The following KIF9 variants were observed in gnomAD, a reference collection of about 807,000 sequenced individuals.
KIF9 encodes the protein kinesin family member 9.
In KIF9, 68 loss-of-function variants were observed where a neutral mutation model predicts 94.8. The ratio of observed to expected loss-of-function variants is 0.72; its 90% confidence interval spans 0.59 to 0.88. KIF9 has a LOEUF of 0.88. Among genes scored for constraint, KIF9 ranks in the 40% least tolerant of loss-of-function variants. The pLI is 0.00. For synonymous variants in KIF9, 343 were observed against 362.1 expected (o/e 0.95, Z 0.60); for missense variants, 882 against 982.5 (o/e 0.90, Z 1.37).
chr3:47,273,568 G>A lies in KIF9; in HGVS notation c.350C>T (p.Pro117Leu). Residue 117 changes from proline (P) to leucine (L), a missense_variant, in exon 4 of 21, where the codon CCT becomes CTT. Pro to Leu is a moderately conservative substitution (Grantham distance 98, BLOSUM62 -3). Transcript: ENST00000684063. The stretch of plus-strand genomic sequence containing the variant: ...ACTCTCTACCTGCTGCAGGGCACGA[G>A]GGAGGATCCCCCGGTGCTTGTAATT... ...TENYKHRGIL[P>L]RALQQVFRMI... 1 of 1,609,208 alleles carries A rather than the reference G, an allele frequency of 6.2e-7. No individual in the cohort carries two copies. The highest frequency in any genetic ancestry group is 8.5e-7 in the Non-Finnish European group (1 of 1,177,336).
intron 10 of KIF9, among the ~76,000 whole-genome samples, chr3:47,252,588 C>T (rs775905275): frequency 6.6e-6 from 1 of 151,394 alleles, no homozygotes; most frequent in Non-Finnish European, 1.5e-5. Context: ...CAAAGCAAGA[C>T]CCTGTCTAAA....
rs1699699677 is a variant in KIF9, at chr3:47,243,232, T to C, written c.1528A>G (p.Lys510Glu). The C allele has an allele frequency of 6.2e-7, 1 of 1,609,782 alleles. No individual in the cohort carries two copies. The highest frequency in any genetic ancestry group is 2.2e-5 in the East Asian group (1 of 44,772). Residue 510 changes from lysine to glutamate, a missense_variant, in exon 16 of 21, where the codon AAG becomes GAG. Lys to Glu is a moderately conservative substitution (Grantham distance 56). Coordinates refer to ENST00000684063, the MANE Select transcript of KIF9 (RefSeq NM_182902.4). The stretch of plus-strand genomic sequence containing the variant: ...TTCACAGGGCTGCTGGCACCTTCCT[T>C]TCTTGCCAAGGAGCTGGAAGAAGGC... ...FKEPLSSLARKEGASSPVNGK... is the reference protein window; with the variant it reads ...FKEPLSSLAREEGASSPVNGK...
chr3:47,242,207 G>A lies in KIF9; in HGVS notation c.1709+844C>T, dbSNP rs376186408. Among the ~76,000 whole-genome samples the A allele has an allele frequency of 2.6e-5, 4 of 152,098 alleles. No individual in the cohort carries two copies. In the East Asian group the frequency reaches 5.8e-4, roughly 22 times the overall value. On this transcript the variant is annotated intron_variant, in intron 16 of 20. Transcript: ENST00000684063. ...TTTGATATATTTTTGAATGGCTAAG[G>A]CCATGCAGTATGTTTAATTTTACAT...
chr3:47,269,818 CAG>C, intron 5 of KIF9, among the ~76,000 whole-genome samples: 1 of 146,342 alleles, frequency 6.8e-6, no homozygotes, highest in East Asian at 2.0e-4. Context: ...CCTCTGTCGC[CAG>C]GCTGGAGTGC....
Position 47,228,642 on chromosome 3 carries a change from C to T in KIF9, c.*10G>A, listed in dbSNP as rs373169900. The T allele has an allele frequency of 1.2e-5, 20 of 1,611,720 alleles. No homozygotes were observed. Among genetic ancestry groups the T allele is most frequent in the Admixed American group, 3.3e-5 (2 of 59,980 alleles). Reference sequence around the variant, plus strand: ...CTGGTCTTGTCCTTTAAGGTACTGGCGATGAGGTTCTATTTTCTATGTGCC... The same window carrying T: ...CTGGTCTTGTCCTTTAAGGTACTGGTGATGAGGTTCTATTTTCTATGTGCC... On this transcript the variant is annotated 3_prime_UTR_variant, in exon 21 of 21. Transcript: ENST00000684063.
intron 4 of KIF9, 147 bp downstream of exon 4, chr3:47,273,405 T>C (rs1576080414): frequency 1.7e-6 from 1 of 593,150 alleles, no homozygotes. Flanking sequence ...TCCAGAGCCC[T>C]GTGTATGTTG....
At chr3:47,241,742 T>TATATATACGTATATATAC (rs1490391701) in intron 16 of KIF9, among the ~76,000 whole-genome samples, 2 of 146,884 alleles carry the variant, frequency 1.4e-5, no homozygotes, top group African/African-American at 5.0e-5. Context: ...TATGTGTGTG[T>TATATATACGTATATATAC]ATATATACGT....
chr3:47,252,018 C>G (rs1408182551), intron 10 of KIF9, among the ~76,000 whole-genome samples: 1 of 152,134 alleles, frequency 6.6e-6, no homozygotes, highest in Non-Finnish European at 1.5e-5. Flanking sequence ...TGCCTTATAG[C>G]CAGCCCCATC....
At chr3:47,253,642 C>G (rs1212965286) in intron 10 of KIF9, among the ~76,000 whole-genome samples, 1 of 152,138 alleles carries the variant, frequency 6.6e-6, no homozygotes, top group African/African-American at 2.4e-5. Flanking sequence ...CAGCATCTCT[C>G]TGCATGTTTT....
intron 19 of KIF9, 48 bp downstream of exon 19, chr3:47,235,986 T>A: frequency 7.4e-7 from 1 of 1,345,014 alleles, no homozygotes; most frequent in Non-Finnish European, 1.1e-6. Context: ...GCACTGCCCA[T>A]TGCCCCATGT....
At chr3:47,256,185 G>A (rs907128414) in intron 10 of KIF9, among the ~76,000 whole-genome samples, 4 of 152,260 alleles carry the variant, frequency 2.6e-5, no homozygotes, top group East Asian at 1.9e-4. Context: ...CCGCCACCCC[G>A]TCTGGGAAGT....
intron 15 of KIF9, chr3:47,243,783 G>A (rs1164493487): frequency 6.6e-6 from 1 of 152,382 alleles, no homozygotes; most frequent in African/African-American, 2.4e-5. Flanking sequence ...TCCGAGAAGA[G>A]GCAGATCTGA....
At chr3:47,244,951 T>C (rs1699826507) in intron 14 of KIF9, 27 bp from the exon 15 acceptor site, 1 of 1,613,374 alleles carries the variant, frequency 6.2e-7, no homozygotes. Context: ...GCCAAAGGTC[T>C]GTGAGTTAGA....
At chr3:47,274,556 T>G (rs1701842997) in intron 3 of KIF9, among the ~76,000 whole-genome samples, 1 of 152,256 alleles carries the variant, frequency 6.6e-6, no homozygotes, top group Non-Finnish European at 1.5e-5. Flanking sequence ...ATTCAGCATC[T>G]GAGTTGGAGC....
At chr3:47,281,221 A>G in intron 1 of KIF9, 1 of 556,116 alleles carries the variant, frequency 1.8e-6, no homozygotes, top group South Asian at 2.3e-5. Flanking sequence ...GGGGCATATG[A>G]TGTCACTCCC....
rs755066702 is a variant in KIF9, at chr3:47,277,344, C to G, written c.31G>C (p.Val11Leu). 2 of 1,613,626 alleles carry G rather than the reference C, an allele frequency of 1.2e-6. No homozygotes were observed. Among genetic ancestry groups the G allele is most frequent in the East Asian group, 4.5e-5 (2 of 44,874 alleles). Residue 11 changes from valine to leucine, a missense_variant, in exon 2 of 21, where the codon GTC becomes CTC. Val to Leu is a conservative substitution (Grantham distance 32). Transcript: ENST00000684063. MGTRKKVHAF[V>L]RVKPTDDFAH... ...AAGTCATCGGTGGGTTTGACACGGACAAATGCATGAACTTTTTTCCTAGTA... is the reference window on the plus strand; with the variant it reads ...AAGTCATCGGTGGGTTTGACACGGAGAAATGCATGAACTTTTTTCCTAGTA...
At chr3:47,269,454 G>A (rs1192967372) in intron 5 of KIF9, among the ~76,000 whole-genome samples, 1 of 151,944 alleles carries the variant, frequency 6.6e-6, no homozygotes, top group Non-Finnish European at 1.5e-5. Flanking sequence ...GCTAATTTTT[G>A]TATTTTTGGT....
At chr3:47,278,586 T>C (rs1702121803) in intron 1 of KIF9, among the ~76,000 whole-genome samples, 1 of 152,140 alleles carries the variant, frequency 6.6e-6, no homozygotes, top group African/African-American at 2.4e-5. Context: ...CTTAGCACTT[T>C]GGGAGGCCGA....
intron 1 of KIF9, among the ~76,000 whole-genome samples, chr3:47,280,674 A>T (rs1051657251): frequency 6.6e-6 from 1 of 152,314 alleles, no homozygotes; most frequent in South Asian, 2.1e-4. Context: ...ACAGCGTGAG[A>T]CTGTCTCAAC....
Sources: allele counts gnomAD v4.1 joint callset (sites outside exome capture counted in the v4.1 genomes callset), GRCh38; gene constraint gnomAD v4.1.1; transcripts MANE v1.5; gene names NCBI Gene and HGNC (gene_info 2026-07-23, HGNC 2026-07-21).